NEK8: variants seen among roughly 807,000 people sequenced by gnomAD.
The protein encoded by NEK8 is NIMA related kinase 8.
In NEK8, 51 loss-of-function variants were observed where a neutral mutation model predicts 77.2. That is an observed-to-expected ratio of 0.66 (90% CI 0.53 to 0.83). The LOEUF (loss-of-function observed/expected upper bound fraction) is 0.83, where lower values mean the gene tolerates loss of function less well. NEK8 is among the 40% of genes least tolerant of loss of function. The pLI is 0.00. For missense variants in NEK8, 787 were observed against 909.2 expected, an observed-to-expected ratio of 0.87 and a Z score of 1.73; for synonymous variants, 365 against 363.2, an observed-to-expected ratio of 1.00 and a Z score of -0.06.
chr17:28,734,704 A>G (rs559440306), intron 2 of NEK8, 68 bp from the exon 3 acceptor site: 106 of 1,148,430 alleles, frequency 9.2e-5, no homozygotes, highest in Non-Finnish European at 1.3e-4. Context: ...AAAAACAACA[A>G]CAACAATGGA....
Position 28,741,961 on chromosome 17 carries a change from G to A in NEK8, c.2053G>A (p.Val685Ile), listed in dbSNP as rs533014952. The change falls in exon 15 of 15, where the codon GTC becomes ATC. Residue 685 changes from valine to isoleucine, a missense_variant and splice_region_variant. Physicochemically the swap from Val to Ile is conservative, Grantham distance 29. This residue lies in a region of NEK8 where 516 missense variants were observed against 544.0 expected (regional missense o/e 0.95). Transcript: ENST00000268766. The surrounding 1 kb of genome is among the most constrained non-coding windows in gnomAD (Gnocchi z 4.5). ...HGNTLLAVRSVTDEPVPP is the reference protein window; with the variant it reads ...HGNTLLAVRSITDEPVPP ...GGTTTCTCTTCGGTACCCTCCAGCG[G>A]TCACAGATGAGCCGGTCCCCCCCTG... 1.9e-6 allele frequency: 3 copies of A among 1,614,100 alleles called. No individual in the cohort carries two copies. The highest frequency in any genetic ancestry group is 2.7e-5 in the African/African-American group (2 of 75,022).
intron 1 of NEK8, among the ~76,000 whole-genome samples, chr17:28,731,366 C>T (rs1397150303): frequency 6.6e-6 from 1 of 151,818 alleles, no homozygotes; most frequent in Non-Finnish European, 1.5e-5. Flanking sequence ...GGTAAAACCC[C>T]GTCTCTACTA....
chr17:28,739,404 C>T (rs764585087), intron 10 of NEK8, among the ~76,000 whole-genome samples: 6 of 152,190 alleles, frequency 3.9e-5, no homozygotes, highest in Non-Finnish European at 7.3e-5. Context: ...ATGTGGCTTC[C>T]TTCAGGTGTT....
At chr17:28,738,611 C>A in intron 8 of NEK8, 60 bp from the exon 9 acceptor site, 1 of 1,480,494 alleles carries the variant, frequency 6.8e-7, no homozygotes, top group Non-Finnish European at 9.4e-7. Context: ...GAGGACCGGG[C>A]TATCTGGAAA....
At chr17:28,733,489 T>G (rs1486870028) in intron 1 of NEK8, among the ~76,000 whole-genome samples, 2 of 152,206 alleles carry the variant, frequency 1.3e-5, no homozygotes, top group African/African-American at 2.4e-5. Flanking sequence ...GTTATTGTGG[T>G]GAACAAGAAT....
intron 1 of NEK8, among the ~76,000 whole-genome samples, chr17:28,729,169 C>CGTG (rs1264843351): frequency 6.6e-6 from 1 of 152,266 alleles, no homozygotes; most frequent in Non-Finnish European, 1.5e-5. Context: ...CCGGAACGGG[C>CGTG]GTGGTCTTTT....
intron 1 of NEK8, among the ~76,000 whole-genome samples, chr17:28,729,386 C>T (rs976603454): frequency 3.0e-4 from 46 of 152,254 alleles, no homozygotes; most frequent in Admixed American, 1.4e-3. Flanking sequence ...GACAGAGTCT[C>T]CCTCTGTCAC....
At chr17:28,735,132 G>A in intron 3 of NEK8, 108 bp from the exon 4 acceptor site, 2 of 1,557,048 alleles carry the variant, frequency 1.3e-6, no homozygotes, top group Non-Finnish European at 1.8e-6. Flanking sequence ...TCTGCAGGAG[G>A]AAGCCCCTTG....
Position 28,742,641 on chromosome 17 carries a change from C to G in NEK8, c.*654C>G, listed in dbSNP as rs2151734718. The G allele has an allele frequency of 6.4e-6, 1 of 157,460 alleles. No individual in the cohort carries two copies. The highest frequency in any genetic ancestry group is 1.9e-4 in the East Asian group (1 of 5,276). 9.8% of individuals were successfully genotyped at this position (157,460 alleles called of 1,614,324 possible). A position where few individuals can be genotyped will look rare whatever the true frequency, so the allele number is the denominator to read the frequency against. On this transcript the variant is annotated 3_prime_UTR_variant, in exon 15 of 15. Coordinates refer to ENST00000268766, the MANE Select transcript of NEK8 (RefSeq NM_178170.3). ...CCCCTAGCCCAGTTAGAAAATAAGT[C>G]TGGGCCGGCGGCGGTGGCTCACACC...
intron 2 of NEK8, 43 bp from the exon 3 acceptor site, chr17:28,734,729 G>A: frequency 7.4e-7 from 1 of 1,353,796 alleles, no homozygotes. Flanking sequence ...GGTTGTCGTA[G>A]GTGTGAGAAA....
At chr17:28,731,382 A>T (rs2034305094) in intron 1 of NEK8, among the ~76,000 whole-genome samples, 1 of 151,716 alleles carries the variant, frequency 6.6e-6, no homozygotes, top group South Asian at 2.1e-4. Flanking sequence ...TACTAAAAAT[A>T]AAAAAATTAG....
rs2034441987 is a variant in NEK8, at chr17:28,742,936, G to C, written c.*949G>C. The stretch of plus-strand genomic sequence containing the variant: ...AAAAATACAAAAATTAACCAGGCAT[G>C]GTGACGGGCGCCTGTAATCCCAGCT... On this transcript the variant is annotated 3_prime_UTR_variant, in exon 15 of 15. Transcript: ENST00000268766. 1 of 152,000 alleles carries C rather than the reference G, an allele frequency of 6.6e-6. No homozygotes were observed. The highest frequency in any genetic ancestry group is 1.5e-5 in the Non-Finnish European group (1 of 68,038). 9.4% of individuals were successfully genotyped at this position (152,000 alleles called of 1,614,324 possible). A position where few individuals can be genotyped will look rare whatever the true frequency, so the allele number is the denominator to read the frequency against.
In NEK8 at chr17:28,737,507, A is replaced by G; in HGVS notation, c.820A>G (p.Met274Val). Residue 274 changes from methionine (M) to valine (V), a missense_variant, in exon 5 of 15, where the codon ATG (methionine) becomes GTG (valine). By Grantham distance (21) the Met-to-Val change is conservative (BLOSUM62 1). Coordinates refer to ENST00000268766, the MANE Select transcript of NEK8 (RefSeq NM_178170.3). The surrounding 1 kb of genome is among the most constrained non-coding windows in gnomAD (Gnocchi z 4.8). ...CCACACCGACGTGGGCAGTGTCCGC[A>G]TGCGGAGGCCTGTGCAGGGACAGCG... ...NLHTDVGSVR[M>V]RRAEKSVAPS... 8 of 1,613,132 alleles carry G rather than the reference A, an allele frequency of 5.0e-6. No homozygotes were observed. The highest frequency in any genetic ancestry group is 6.8e-6 in the Non-Finnish European group (8 of 1,179,916).
chr17:28,741,485 C>T lies in NEK8; in HGVS notation c.1964C>T (p.Pro655Leu), dbSNP rs758104724. ...LGRRDEDAGL[P>L]RPVQLDETHP... Reference sequence around the variant, plus strand: ...AGGAGGGATGAGGATGCCGGACTCCCTCGGCCAGTGCAGTTGGATGAGACA... The same window carrying T: ...AGGAGGGATGAGGATGCCGGACTCCTTCGGCCAGTGCAGTTGGATGAGACA... Residue 655 changes from proline to leucine, a missense_variant, in exon 14 of 15, where the codon CCT (proline) becomes CTT (leucine). Physicochemically the swap from Pro to Leu is moderately conservative, Grantham distance 98. Transcript: ENST00000268766. This position sits in a 1 kb window ranked among gnomAD's most constrained non-coding sequence, Gnocchi z 4.5. The T allele has an allele frequency of 5.6e-6, 9 of 1,614,166 alleles. No homozygotes were observed. The highest frequency in any genetic ancestry group is 1.6e-4 in the Middle Eastern group (1 of 6,062).
In NEK8 at chr17:28,734,173, A is replaced by G. The variant is rs2034337934; in HGVS notation, c.238A>G (p.Met80Val). 6.2e-7 allele frequency: 1 copy of G among 1,614,210 alleles called. No homozygotes were observed. Among genetic ancestry groups the G allele is most frequent in the East Asian group, 2.2e-5 (1 of 44,874 alleles). ...GGAAGACAAAGCCCTTATGATCGCCATGGAATATGCACCAGGTGGGCCAGC... is the reference window on the plus strand; with the variant it reads ...GGAAGACAAAGCCCTTATGATCGCCGTGGAATATGCACCAGGTGGGCCAGC... Reference protein sequence around the residue: ...FLEDKALMIAMEYAPGGTLAE... With the variant: ...FLEDKALMIAVEYAPGGTLAE... The change falls in exon 2 of 15, where the codon ATG becomes GTG. Residue 80 changes from methionine to valine, a missense_variant. Met to Val is a conservative substitution (Grantham distance 21). Coordinates refer to ENST00000268766, the MANE Select transcript of NEK8 (RefSeq NM_178170.3).
At chr17:28,731,462 C>T (rs989808591) in intron 1 of NEK8, among the ~76,000 whole-genome samples, 16 of 151,934 alleles carry the variant, frequency 1.1e-4, no homozygotes, top group Non-Finnish European at 2.1e-4. Context: ...TTGCTTGAAC[C>T]TGGGAGGCGG....
intron 10 of NEK8, among the ~76,000 whole-genome samples, chr17:28,739,738 C>T (rs1051239003): frequency 1.3e-5 from 2 of 152,110 alleles, no homozygotes; most frequent in Non-Finnish European, 1.5e-5. Flanking sequence ...TGAGCCACCA[C>T]GCCTGGCCCA....
Position 28,728,789 on chromosome 17 carries a change from C to T in NEK8, c.-25C>T, listed in dbSNP as rs770036988. On this transcript the variant is annotated 5_prime_UTR_variant, in exon 1 of 15. In the 5' UTR this introduces an upstream ATG that the reference lacks. Coordinates refer to ENST00000268766, the MANE Select transcript of NEK8 (RefSeq NM_178170.3). ...GTCCGCGCACGCGCCGCGTGGGGGACGGAAGTGAAACTCTAAGAAATGAGA... is the reference window on the plus strand; with the variant it reads ...GTCCGCGCACGCGCCGCGTGGGGGATGGAAGTGAAACTCTAAGAAATGAGA... 31 of 1,549,446 alleles carry T rather than the reference C, an allele frequency of 2.0e-5. No individual in the cohort carries two copies. Among genetic ancestry groups the T allele is most frequent in the Middle Eastern group, 3.3e-4 (2 of 5,988 alleles).
At chr17:28,733,916 C>A in intron 1 of NEK8, 67 bp from the exon 2 acceptor site, 1 of 1,378,846 alleles carries the variant, frequency 7.3e-7, no homozygotes, top group Non-Finnish European at 1.0e-6. Flanking sequence ...CACTAGGCTG[C>A]ACCGCCCTGC....
Sources: allele counts gnomAD v4.1 joint callset (sites outside exome capture counted in the v4.1 genomes callset), GRCh38; gene constraint gnomAD v4.1.1; regional missense constraint gnomAD v4.1.1; non-coding constraint Gnocchi (gnomAD v3.1); transcripts MANE v1.5; gene names NCBI Gene and HGNC (gene_info 2026-07-23, HGNC 2026-07-21).